NPAS3: variants seen among roughly 807,000 people sequenced by gnomAD.
The protein encoded by NPAS3 is neuronal PAS domain-containing protein 3.
In NPAS3, 14 loss-of-function variants were observed where a neutral mutation model predicts 73.1. The ratio of observed to expected loss-of-function variants is 0.19; its 90% CI spans 0.13 to 0.30. The LOEUF (loss-of-function observed/expected upper bound fraction) is 0.30. NPAS3 is among the 10% of genes least tolerant of loss of function. The pLI, the probability that NPAS3 is intolerant of heterozygous loss-of-function variation, is 1.00. For synonymous variants in NPAS3, 620 were observed against 541.5 expected (o/e 1.14, Z -2.01); for missense variants, 1,096 against 1,250.0 (o/e 0.88, Z 1.86).
intron 1 of NPAS3, among the ~76,000 whole-genome samples, chr14:33,028,852 A>G (rs956729781): frequency 2.0e-5 from 3 of 152,202 alleles, no homozygotes; most frequent in Non-Finnish European, 4.4e-5. Context: ...AAGTTCCAGT[A>G]TATGTGTAGG....
chr14:33,160,642 A>T (rs1433856158), intron 2 of NPAS3, among the ~76,000 whole-genome samples: 2 of 136,916 alleles, frequency 1.5e-5, no homozygotes, highest in South Asian at 2.2e-4. Context: ...AAGTATAATT[A>T]AAAAAAAAAA....
chr14:33,064,856 A>G (rs1045286124), intron 2 of NPAS3, among the ~76,000 whole-genome samples: 10 of 152,280 alleles, frequency 6.6e-5, no homozygotes, highest in Non-Finnish European at 8.8e-5. Flanking sequence ...ATCCATGTAT[A>G]TAGGTATTTT....
chr14:33,437,835 C>A (rs2049056253), intron 4 of NPAS3, among the ~76,000 whole-genome samples: 1 of 152,172 alleles, frequency 6.6e-6, no homozygotes, highest in Non-Finnish European at 1.5e-5. Context: ...GTAGGGTAGA[C>A]CATGTGTTCA....
chr14:33,077,699 A>G (rs2041706163), intron 2 of NPAS3, among the ~76,000 whole-genome samples: 1 of 149,508 alleles, frequency 6.7e-6, no homozygotes, highest in Non-Finnish European at 1.5e-5. Flanking sequence ...GACTTGATTT[A>G]ATTACAGTTT....
At chr14:33,651,558 C>A (rs1051079516) in intron 5 of NPAS3, among the ~76,000 whole-genome samples, 8 of 152,102 alleles carry the variant, frequency 5.3e-5, no homozygotes, top group African/African-American at 1.9e-4. Flanking sequence ...AAAAAACCCA[C>A]AAGTATATAG....
intron 9 of NPAS3, among the ~76,000 whole-genome samples, chr14:33,786,576 G>T (rs2063181355): frequency 6.6e-6 from 1 of 152,206 alleles, no homozygotes; most frequent in Admixed American, 6.5e-5. Context: ...GGGAGGTGAA[G>T]AATGCACCCA....
intron 4 of NPAS3, among the ~76,000 whole-genome samples, chr14:33,377,068 T>C (rs1187230924): frequency 6.6e-6 from 1 of 152,208 alleles, no homozygotes; most frequent in Non-Finnish European, 1.5e-5. Context: ...ATAAATATTC[T>C]TTATTGAACA....
chr14:33,582,478 GT>G (rs2056703638), intron 5 of NPAS3, among the ~76,000 whole-genome samples: 2 of 152,140 alleles, frequency 1.3e-5, no homozygotes, highest in South Asian at 4.1e-4. Flanking sequence ...TGTCAATATT[GT>G]TATACCATGT....
intron 5 of NPAS3, among the ~76,000 whole-genome samples, chr14:33,662,088 T>C (rs2059324429): frequency 6.6e-6 from 1 of 152,232 alleles, no homozygotes; most frequent in Admixed American, 6.5e-5. Flanking sequence ...CAGTGCTCTC[T>C]TATGGAAGCA....
intron 3 of NPAS3, among the ~76,000 whole-genome samples, chr14:33,278,718 CA>C (rs2041451446): frequency 6.6e-6 from 1 of 151,696 alleles, no homozygotes; most frequent in Non-Finnish European, 1.5e-5. Flanking sequence ...GCATGACTGA[CA>C]AAAAAAGGAA....
intron 4 of NPAS3, among the ~76,000 whole-genome samples, chr14:33,385,745 T>G (rs192447167): frequency 6.6e-6 from 1 of 152,266 alleles, no homozygotes; most frequent in African/African-American, 2.4e-5. Context: ...TTTGGAAATC[T>G]TCTCTGGAGT....
chr14:33,074,216 A>C (rs988627209), intron 2 of NPAS3, among the ~76,000 whole-genome samples: 10 of 152,238 alleles, frequency 6.6e-5, no homozygotes, highest in African/African-American at 2.4e-4. Context: ...ATTATAAGAA[A>C]TGGCCAACAT....
At chr14:32,962,410 A>C (rs747105736) in intron 1 of NPAS3, among the ~76,000 whole-genome samples, 1 of 151,592 alleles carries the variant, frequency 6.6e-6, no homozygotes. Flanking sequence ...AAATGTCTTA[A>C]TAAGAAGATA....
intron 2 of NPAS3, among the ~76,000 whole-genome samples, chr14:33,145,065 T>G (rs990402861): frequency 1.3e-5 from 2 of 152,238 alleles, no homozygotes; most frequent in Admixed American, 6.5e-5. Context: ...TTCTCTCTCA[T>G]GATATTTAAG....
At chr14:33,324,483 A>G (rs562979887) in intron 3 of NPAS3, among the ~76,000 whole-genome samples, 1 of 152,342 alleles carries the variant, frequency 6.6e-6, no homozygotes, top group East Asian at 1.9e-4. Flanking sequence ...TTTCAGGATT[A>G]TATACCCTAA....
intron 1 of NPAS3, among the ~76,000 whole-genome samples, chr14:32,967,441 GC>G (rs2037221332): frequency 6.6e-6 from 1 of 152,028 alleles, no homozygotes; most frequent in Admixed American, 6.6e-5. Flanking sequence ...GGGGGTTGGT[GC>G]CCCCAACCCC....
intron 4 of NPAS3, among the ~76,000 whole-genome samples, chr14:33,534,582 T>A (rs1287470989): frequency 6.6e-6 from 1 of 152,222 alleles, no homozygotes; most frequent in African/African-American, 2.4e-5. Flanking sequence ...CACAATAGTA[T>A]GTAGTGAGAA....
intron 4 of NPAS3, among the ~76,000 whole-genome samples, chr14:33,390,091 A>G (rs2046937693): frequency 6.6e-6 from 1 of 152,202 alleles, no homozygotes; most frequent in East Asian, 1.9e-4. Flanking sequence ...ATGTGAGGAA[A>G]TTAGAGATGG....
Position 33,695,718 on chromosome 14 carries a change from G to A in NPAS3, c.733+19333G>A, listed in dbSNP as rs144020697. ...TATTCTGACTTGTGAGAGCTACAGG[G>A]TAGCTATAATTTGTTTTCTATTTCT... On this transcript the variant is annotated intron_variant, in intron 6 of 11. Coordinates refer to ENST00000356141, the Ensembl canonical transcript of NPAS3. 6.7e-3 allele frequency among the ~76,000 whole-genome samples: 1,027 copies of A among 152,268 alleles called. 12 individuals carry two copies. The highest frequency in any genetic ancestry group is 0.022 in the African/African-American group (920 of 41,546).
Sources: allele counts gnomAD v4.1 joint callset (sites outside exome capture counted in the v4.1 genomes callset), GRCh38; gene constraint gnomAD v4.1.1; transcripts MANE v1.5; gene names NCBI Gene and HGNC (gene_info 2026-07-23, HGNC 2026-07-21).